Variants in LIMCH1 observed in about 807,000 individuals in gnomAD.
LIMCH1 encodes the protein LIM and calponin homology domains 1, also known as LIM and calponin homology domains-containing protein 1.
In LIMCH1, 113 loss-of-function variants were observed where a neutral mutation model predicts 176.5. The observed-to-expected ratio is 0.64, with a 90% CI of 0.55 to 0.75. LIMCH1 has a LOEUF of 0.75. LIMCH1 is among the 30% of genes least tolerant of loss of function. The pLI is 0.00. For synonymous variants in LIMCH1, 619 were observed against 645.9 expected, an observed-to-expected ratio of 0.96 and a Z score of 0.63; for missense variants, 1,674 against 1,814.9, an observed-to-expected ratio of 0.92 and a Z score of 1.41.
At chr4:41,602,479 T>G (rs1264269847) in intron 2 of LIMCH1, among the ~76,000 whole-genome samples, 2 of 152,176 alleles carry the variant, frequency 1.3e-5, no homozygotes. Flanking sequence ...AAAAGCTTTA[T>G]GTTCCCTATT....
chr4:41,408,784 C>G (rs771263027), intron 1 of LIMCH1, among the ~76,000 whole-genome samples: 6 of 152,140 alleles, frequency 3.9e-5, no homozygotes, highest in African/African-American at 7.2e-5. Flanking sequence ...ATGGTTTAAA[C>G]TTTTGGGAGT....
chr4:41,372,522 T>TA (rs1229157230), intron 1 of LIMCH1, among the ~76,000 whole-genome samples: 3 of 152,238 alleles, frequency 2.0e-5, no homozygotes, highest in African/African-American at 7.2e-5. Context: ...CTCACACACT[T>TA]ACCCACACAG....
chr4:41,584,212 A>C (rs2086041434), intron 1 of LIMCH1, among the ~76,000 whole-genome samples: 1 of 152,180 alleles, frequency 6.6e-6, no homozygotes, highest in Admixed American at 6.5e-5. Context: ...CCTTTGTTGC[A>C]AAGATTGAAG....
At chr4:41,647,021 T>C in intron 17 of LIMCH1, 128 bp downstream of exon 17, 1 of 883,932 alleles carries the variant, frequency 1.1e-6, no homozygotes. Context: ...CATTTACAGC[T>C]GTGAAAGTCA....
At chr4:41,419,706 T>A (rs1399301326) in intron 1 of LIMCH1, among the ~76,000 whole-genome samples, 2 of 125,172 alleles carry the variant, frequency 1.6e-5, no homozygotes, top group African/African-American at 7.0e-5. Flanking sequence ...CTTCCTTCCT[T>A]CCTTCCTTCC....
intron 1 of LIMCH1, among the ~76,000 whole-genome samples, chr4:41,545,820 A>G (rs2079296528): frequency 6.6e-6 from 1 of 152,228 alleles, no homozygotes; most frequent in African/African-American, 2.4e-5. Context: ...CAAAATATTA[A>G]TATGTTCAGT....
chr4:41,619,062 A>T, intron 5 of LIMCH1, 126 bp from the exon 6 acceptor site: 1 of 1,077,960 alleles, frequency 9.3e-7, no homozygotes, highest in Non-Finnish European at 1.4e-6. Context: ...TAGATTTGTT[A>T]AGTGAATGAT....
intron 1 of LIMCH1, among the ~76,000 whole-genome samples, chr4:41,430,794 A>C (rs979987729): frequency 2.6e-5 from 4 of 152,234 alleles, no homozygotes; most frequent in Non-Finnish European, 4.4e-5. Context: ...AGCAGTCTAA[A>C]AATTGAATGT....
chr4:41,629,490 A>G lies in LIMCH1; in HGVS notation c.1029-2A>G. The G allele has an allele frequency of 6.5e-7, 1 of 1,535,936 alleles. No individual in the cohort carries two copies. Among genetic ancestry groups the G allele is most frequent in the Non-Finnish European group, 8.7e-7 (1 of 1,146,816 alleles). On this transcript the variant is annotated splice_acceptor_variant, in intron 8 of 31. Transcript: ENST00000503057. LOFTEE classifies it high-confidence loss of function. The stretch of plus-strand genomic sequence containing the variant: ...GTGTGGGGGCCCGGATCAAATGGAC[A>G]GAAACCAGGGCCACACAGAAGAGGT...
intron 1 of LIMCH1, among the ~76,000 whole-genome samples, chr4:41,395,256 G>T: frequency 7.0e-6 from 1 of 142,884 alleles, no homozygotes; most frequent in Non-Finnish European, 1.5e-5. Flanking sequence ...TTTTGAGATG[G>T]AGTTTCGCTC....
intron 1 of LIMCH1, among the ~76,000 whole-genome samples, chr4:41,419,788 T>G (rs2060453625): frequency 6.7e-6 from 1 of 150,288 alleles, no homozygotes; most frequent in African/African-American, 2.5e-5. Context: ...CCTTCCTTTC[T>G]TCCTCTCTGC....
At position 41,637,972 on chromosome 4, in the gene LIMCH1, G is replaced by A. The variant is rs946219515; in HGVS notation, c.2091-960G>A. On this transcript the variant is annotated intron_variant, in intron 13 of 31. Transcript: ENST00000503057. ...ATTTATTGGAAACTGGAAGCAGGAC[G>A]TATTTTCTTCACTATTCTTTGTCCA... 9.2e-5 allele frequency among the ~76,000 whole-genome samples: 14 copies of A among 152,314 alleles called. No individual in the cohort carries two copies. In the East Asian group the frequency reaches 2.5e-3, roughly 27 times the overall value.
Position 41,699,969 on chromosome 4 carries a change from A to C in LIMCH1, c.*2784A>C, listed in dbSNP as rs1732465541. On this transcript the variant is annotated 3_prime_UTR_variant, in exon 32 of 32. Coordinates refer to ENST00000503057, the MANE Select transcript of LIMCH1 (RefSeq NM_001330672.2). Reference sequence around the variant, plus strand: ...AAATGCCTCTGAGAAACAGTAAAAAATAAAAACAACAAGTTGTCTAAAATG... The same window carrying C: ...AAATGCCTCTGAGAAACAGTAAAAACTAAAAACAACAAGTTGTCTAAAATG... 1 of 152,254 alleles carries C rather than the reference A, an allele frequency of 6.6e-6. No homozygotes were observed. Among genetic ancestry groups the C allele is most frequent in the African/African-American group, 2.4e-5 (1 of 41,472 alleles). 9.4% of individuals were successfully genotyped at this position (152,254 alleles called of 1,614,324 possible).
At chr4:41,576,628 G>A (rs1263855360) in intron 1 of LIMCH1, among the ~76,000 whole-genome samples, 1 of 152,106 alleles carries the variant, frequency 6.6e-6, no homozygotes, top group African/African-American at 2.4e-5. Context: ...AGGTTTGGCG[G>A]GGACAGTCTT....
intron 14 of LIMCH1, among the ~76,000 whole-genome samples, chr4:41,639,984 A>G (rs1217070738): frequency 1.3e-5 from 2 of 152,212 alleles, no homozygotes; most frequent in African/African-American, 2.4e-5. Context: ...ACCAATGACA[A>G]TGAGATTAGG....
chr4:41,399,685 C>CTTTTTTTTTTTTTT lies in LIMCH1; in HGVS notation c.96+38751_96+38764dup, dbSNP rs56174007. Reference sequence around the variant, plus strand: ...GTAACAATCCTATGAGGTGGATACTCTTTTTTTTTTTTTTTGAGATGGAGT... The same window carrying CTTTTTTTTTTTTTT: ...GTAACAATCCTATGAGGTGGATACTCTTTTTTTTTTTTTTTTTTTTTTTTTTTTTGAGATGGAGT... On this transcript the variant is annotated intron_variant, in intron 1 of 26. Transcript: ENST00000313860. 1.5e-3 allele frequency among the ~76,000 whole-genome samples: 148 copies of CTTTTTTTTTTTTTT among 95,770 alleles called. 17 individuals are homozygous for CTTTTTTTTTTTTTT. Among genetic ancestry groups the CTTTTTTTTTTTTTT allele is most frequent in the East Asian group, 5.1e-3 (16 of 3,146 alleles). 62.8% of individuals were successfully genotyped at this position (95,770 alleles called of 152,430 possible).
At chr4:41,568,035 C>G (rs1347764594) in intron 1 of LIMCH1, among the ~76,000 whole-genome samples, 1 of 152,142 alleles carries the variant, frequency 6.6e-6, no homozygotes, top group Non-Finnish European at 1.5e-5. Flanking sequence ...CACCTGTAAT[C>G]CCAGCTATTT....
intron 1 of LIMCH1, among the ~76,000 whole-genome samples, chr4:41,423,018 A>C (rs1281756906): frequency 1.3e-5 from 2 of 152,114 alleles, no homozygotes; most frequent in Non-Finnish European, 1.5e-5. Context: ...TTGGCCTCCC[A>C]AAGTGCTGGA....
chr4:41,391,787 G>A (rs2057274317), intron 1 of LIMCH1, among the ~76,000 whole-genome samples: 1 of 152,176 alleles, frequency 6.6e-6, no homozygotes, highest in African/African-American at 2.4e-5. Context: ...AGACTAAGGG[G>A]TCATGATAAC....
Sources: gnomAD v4.1 joint callset for allele counts (sites outside exome capture counted in the v4.1 genomes callset) on GRCh38, gnomAD v4.1.1 for gene constraint, MANE v1.5 for transcripts, NCBI Gene and HGNC (gene_info 2026-07-23, HGNC 2026-07-21) for gene names.